DCC: variants seen among roughly 807,000 people sequenced by gnomAD.
DCC encodes netrin receptor DCC.
DCC carries 58 observed loss-of-function variants against 172.5 expected under a neutral mutation model. The observed-to-expected ratio is 0.34, with a 90% CI of 0.27 to 0.42. DCC has a LOEUF of 0.42. Ranked by LOEUF, DCC falls within the 10% of genes least tolerant of loss-of-function variation. The pLI is 1.00. For missense variants in DCC, 1,740 were observed against 1,791.0 expected (o/e 0.97, Z 0.51); for synonymous variants, 709 against 644.5 (o/e 1.10, Z -1.52).
At chr18:53,459,049 T>C (rs1029303009) in intron 23 of DCC, among the ~76,000 whole-genome samples, 183 bp from the exon 24 acceptor site, 3 of 152,130 alleles carry the variant, frequency 2.0e-5, no homozygotes, top group African/African-American at 7.2e-5. Context: ...TATAATGTGG[T>C]GAAGCTCCAG....
At chr18:52,563,166 A>G (rs555274927) in intron 1 of DCC, among the ~76,000 whole-genome samples, 5 of 152,320 alleles carry the variant, frequency 3.3e-5, no homozygotes, top group African/African-American at 1.2e-4. Flanking sequence ...AAGGAAGTCA[A>G]GATTGGCTAT....
chr18:53,160,490 CTCATT>C (rs1398622791), intron 8 of DCC, among the ~76,000 whole-genome samples: 1 of 152,162 alleles, frequency 6.6e-6, no homozygotes, highest in Non-Finnish European at 1.5e-5. Flanking sequence ...GCCTGCTACT[CTCATT>C]TCATATTACT....
At chr18:53,405,433 G>T (rs1192261142) in intron 19 of DCC, among the ~76,000 whole-genome samples, 2 of 152,118 alleles carry the variant, frequency 1.3e-5, no homozygotes, top group African/African-American at 2.4e-5. Flanking sequence ...GATAGTAATA[G>T]AACCGCACTA....
At chr18:52,513,725 T>C (rs2034522261) in intron 1 of DCC, among the ~76,000 whole-genome samples, 1 of 152,156 alleles carries the variant, frequency 6.6e-6, no homozygotes, top group African/African-American at 2.4e-5. Context: ...TACTACATGA[T>C]GGTCAGGTTG....
intron 22 of DCC, among the ~76,000 whole-genome samples, chr18:53,446,466 G>T (rs1912619034): frequency 6.6e-6 from 1 of 152,134 alleles, no homozygotes; most frequent in African/African-American, 2.4e-5. Context: ...TGGAAAGGGG[G>T]CAATGTCACT....
At chr18:53,263,955 G>A (rs982077395) in intron 12 of DCC, among the ~76,000 whole-genome samples, 12 of 151,826 alleles carry the variant, frequency 7.9e-5, no homozygotes, top group Non-Finnish European at 7.4e-5. Context: ...TTCCTATAAG[G>A]CATAGTTTCT....
chr18:52,505,491 A>G (rs1284421716), intron 1 of DCC, among the ~76,000 whole-genome samples: 1 of 152,224 alleles, frequency 6.6e-6, no homozygotes, highest in Non-Finnish European at 1.5e-5. Context: ...GTATTTAAAG[A>G]AAATATTGAA....
intron 2 of DCC, among the ~76,000 whole-genome samples, chr18:52,784,527 A>G (rs965684326): frequency 6.6e-6 from 1 of 152,052 alleles, no homozygotes; most frequent in African/African-American, 2.4e-5. Context: ...TTGCATTCCC[A>G]TGAACAGTAT....
intron 5 of DCC, among the ~76,000 whole-genome samples, chr18:52,927,176 T>C (rs1164226787): frequency 5.2e-5 from 7 of 133,490 alleles, no homozygotes; most frequent in African/African-American, 1.5e-4. Flanking sequence ...TGTGTATATA[T>C]GTGTATATAT....
intron 27 of DCC, among the ~76,000 whole-genome samples, chr18:53,518,819 G>A (rs1312140895): frequency 3.3e-5 from 5 of 152,058 alleles, no homozygotes; most frequent in Admixed American, 6.6e-5. Context: ...TTGAGCATTC[G>A]TAAATTTAAA....
chr18:52,764,283 G>T (rs2037208767), intron 2 of DCC, among the ~76,000 whole-genome samples: 1 of 152,198 alleles, frequency 6.6e-6, no homozygotes, highest in Non-Finnish European at 1.5e-5. Flanking sequence ...TTAATGAATA[G>T]CCATAGGCAT....
chr18:52,873,372 A>G (rs1488622661), intron 2 of DCC, among the ~76,000 whole-genome samples: 1 of 152,212 alleles, frequency 6.6e-6, no homozygotes, highest in Non-Finnish European at 1.5e-5. Context: ...TAGAGCCAAT[A>G]TGTAGGAAAT....
At chr18:52,664,582 T>C (rs577653665) in intron 1 of DCC, among the ~76,000 whole-genome samples, 2 of 146,500 alleles carry the variant, frequency 1.4e-5, no homozygotes, top group East Asian at 2.1e-4. Flanking sequence ...GCCATTCTCC[T>C]GCCTCAGCCT....
At chr18:53,288,037 G>A (rs1015221546) in intron 12 of DCC, among the ~76,000 whole-genome samples, 4 of 151,996 alleles carry the variant, frequency 2.6e-5, no homozygotes, top group Admixed American at 6.6e-5. Context: ...ATGTAAACAC[G>A]CATCATCTGC....
chr18:53,088,790 A>G (rs1476533823), intron 7 of DCC, among the ~76,000 whole-genome samples: 2 of 152,174 alleles, frequency 1.3e-5, no homozygotes, highest in South Asian at 2.1e-4. Context: ...ATTCCCAGCA[A>G]TGATTTTCTA....
chr18:52,374,093 T>G (rs1428933663), intron 1 of DCC, among the ~76,000 whole-genome samples: 2 of 151,556 alleles, frequency 1.3e-5, no homozygotes, highest in Admixed American at 1.3e-4. Context: ...GGGGTTTCAC[T>G]ATGTTAGCCA....
chr18:53,198,432 GCTCTCT>G (rs59665065), intron 9 of DCC, among the ~76,000 whole-genome samples: 11 of 149,440 alleles, frequency 7.4e-5, no homozygotes, highest in South Asian at 2.1e-4. Context: ...AAACTGAGCA[GCTCTCT>G]CTCTCTCTCT....
intron 5 of DCC, among the ~76,000 whole-genome samples, chr18:52,947,520 T>C (rs1009559775): frequency 6.6e-6 from 1 of 152,190 alleles, no homozygotes; most frequent in Non-Finnish European, 1.5e-5. Flanking sequence ...TTCTATAAAC[T>C]TTTTCAATGT....
intron 19 of DCC, among the ~76,000 whole-genome samples, chr18:53,409,451 A>G (rs968806): frequency 0.43 from 65,256 of 151,702 alleles, 15,806 homozygotes; most frequent in Non-Finnish European, 0.55. Flanking sequence ...TTATATAGAT[A>G]GCATTGAAGA....
Sources: gnomAD v4.1 joint callset for allele counts (sites outside exome capture counted in the v4.1 genomes callset) on GRCh38, gnomAD v4.1.1 for gene constraint, MANE v1.5 for transcripts, NCBI Gene and HGNC (gene_info 2026-07-23, HGNC 2026-07-21) for gene names.